SLC43A3: variants seen among roughly 807,000 people sequenced by gnomAD.
SLC43A3 encodes the protein solute carrier family 43 member 3.
Under a neutral mutation model 53.3 loss-of-function variants are expected in SLC43A3, and 33 were observed. The ratio of observed to expected loss-of-function variants is 0.62; its 90% CI spans 0.47 to 0.83. The LOEUF (loss-of-function observed/expected upper bound fraction) is 0.83. SLC43A3 is among the 40% of genes least tolerant of loss of function. The pLI is 0.00. For missense variants in SLC43A3, 530 were observed against 610.0 expected (o/e 0.87, Z 1.38); for synonymous variants, 236 against 246.2 (o/e 0.96, Z 0.39).
intron 5 of SLC43A3, among the ~76,000 whole-genome samples, chr11:57,422,182 T>A (rs1255666308): frequency 1.3e-5 from 2 of 152,238 alleles, no homozygotes; most frequent in African/African-American, 4.8e-5. Context: ...CCAAAAAGTA[T>A]CTATTTTTAA....
chr11:57,423,947 G>A (rs1419478178), intron 5 of SLC43A3, 35 bp downstream of exon 5: 13 of 1,610,196 alleles, frequency 8.1e-6, no homozygotes, highest in Admixed American at 1.7e-5. Context: ...GTGCCTCTGA[G>A]CTTGCATCCC....
intron 11 of SLC43A3, among the ~76,000 whole-genome samples, chr11:57,411,471 C>CAAAAAAAAAAAA (rs56994898): frequency 1.3e-5 from 1 of 78,878 alleles, no homozygotes; most frequent in Admixed American, 1.6e-4. Flanking sequence ...CCTTCCTCTA[C>CAAAAAAAAAAAA]AAAAAAAAAA....
In SLC43A3 at chr11:57,412,583, C is replaced by T. The variant is rs185136958; in HGVS notation, c.1060+2032G>A. Among the ~76,000 whole-genome samples the T allele has an allele frequency of 2.6e-3, 399 of 152,224 alleles. 1 individual carries two copies. Among genetic ancestry groups the T allele is most frequent in the Admixed American group, 5.7e-3 (87 of 15,290 alleles). ...ATCCCAGAACTTTGGGAGGCCAAGG[C>T]AGGTGGATCACTGGAGATCAGGAGT... On this transcript the variant is annotated intron_variant, in intron 11 of 13. Transcript: ENST00000395124.
At chr11:57,413,454 G>C (rs1301974890) in intron 11 of SLC43A3, among the ~76,000 whole-genome samples, 2 of 152,136 alleles carry the variant, frequency 1.3e-5, no homozygotes, top group African/African-American at 4.8e-5. Flanking sequence ...AGTAAAAGAG[G>C]CCTTATTTGT....
intron 4 of SLC43A3, among the ~76,000 whole-genome samples, chr11:57,425,047 A>C (rs1943149652): frequency 6.6e-6 from 1 of 151,264 alleles, no homozygotes; most frequent in Non-Finnish European, 1.5e-5. Flanking sequence ...GCAATACCAA[A>C]GAAACTTCCT....
At chr11:57,425,403 A>AGCTGCTGGGAGCGAGCTGCAGGTGTGGT (rs1943167783) in intron 4 of SLC43A3, 138 bp downstream of exon 4, 2 of 833,176 alleles carry the variant, frequency 2.4e-6, no homozygotes, top group Non-Finnish European at 3.9e-6. Flanking sequence ...TGTTCCTAAC[A>AGCTGCTGGGAGCGAGCTGCAGGTGTGGT]GCTGCTGGGA....
chr11:57,419,191 A>G (rs1368166859), intron 7 of SLC43A3, among the ~76,000 whole-genome samples: 1 of 152,184 alleles, frequency 6.6e-6, no homozygotes, highest in Non-Finnish European at 1.5e-5. Context: ...AACGACAGCA[A>G]AGGCCTTTTG....
chr11:57,417,666 T>C, intron 8 of SLC43A3, 82 bp downstream of exon 8: 1 of 1,516,814 alleles, frequency 6.6e-7, no homozygotes, highest in East Asian at 2.3e-5. Context: ...CCTCCTCTCC[T>C]GTGATAGGTT....
chr11:57,419,184 G>A (rs2135034701), intron 7 of SLC43A3, among the ~76,000 whole-genome samples: 1 of 152,036 alleles, frequency 6.6e-6, no homozygotes, highest in East Asian at 1.9e-4. Flanking sequence ...TTCCCCCAAC[G>A]ACAGCAAAGG....
intron 11 of SLC43A3, among the ~76,000 whole-genome samples, chr11:57,412,686 T>C (rs1200685119): frequency 3.3e-5 from 5 of 152,082 alleles, no homozygotes; most frequent in East Asian, 3.9e-4. Context: ...TGGGTGCCTG[T>C]AATGCCAGCT....
upstream of SLC43A3, chr11:57,427,574 C>G (rs1434595473): frequency 6.6e-6 from 1 of 152,142 alleles, no homozygotes; most frequent in African/African-American, 2.4e-5. Flanking sequence ...TTTCACACTC[C>G]CAGAGCTGCC....
At chr11:57,416,206 G>A (rs1942710581) in intron 9 of SLC43A3, among the ~76,000 whole-genome samples, 1 of 152,162 alleles carries the variant, frequency 6.6e-6, no homozygotes, top group Non-Finnish European at 1.5e-5. Context: ...TGATAGAGTT[G>A]GGACAATAAG....
chr11:57,423,842 CTTCCAGG>C, intron 5 of SLC43A3, 133 bp downstream of exon 5: 1 of 699,292 alleles, frequency 1.4e-6, no homozygotes, highest in South Asian at 1.8e-5. Context: ...GCTCAAGATC[CTTCCAGG>C]ATTCTTTCAA....
chr11:57,410,075 C>G lies in SLC43A3; in HGVS notation c.1107G>C (p.Leu369=), dbSNP rs1156956729. 1 of 1,611,400 alleles carries G rather than the reference C, an allele frequency of 6.2e-7. No individual in the cohort carries two copies. The highest frequency in any genetic ancestry group is 1.1e-5 in the South Asian group (1 of 90,214). The change falls in exon 12 of 14, where the codon CTG becomes CTC. Residue 369 remains leucine, a synonymous_variant. Coordinates refer to ENST00000395124, the MANE Select transcript of SLC43A3 (RefSeq NM_199329.3). ...AVALCSTVPS[L]ALTSLLCLGF... ...CCAGGCACAGCAGGGATGTCAGGGC[C>G]AGCGAAGGCACCGTCGAGCAGAGGG... is the stretch of plus-strand genomic sequence containing the variant.
upstream of SLC43A3, chr11:57,427,570 A>C (rs1943240261): frequency 6.6e-6 from 1 of 151,920 alleles, no homozygotes; most frequent in Non-Finnish European, 1.5e-5. Context: ...CCAGTTTCAC[A>C]CTCCCAGAGC....
At chr11:57,415,745 C>G (rs72923979) in intron 9 of SLC43A3, among the ~76,000 whole-genome samples, 4,988 of 152,150 alleles carry the variant, frequency 0.033, 92 homozygotes, top group Non-Finnish European at 0.045. Flanking sequence ...TTCCCAGAAC[C>G]CTATTCTTCT....
chr11:57,411,683 T>C (rs1942483384), intron 11 of SLC43A3, among the ~76,000 whole-genome samples: 1 of 151,062 alleles, frequency 6.6e-6, no homozygotes, highest in African/African-American at 2.4e-5. Context: ...AAGAAGAAAA[T>C]ATGGCAATTT....
Position 57,426,181 on chromosome 11 carries a change from G to A in SLC43A3, c.-9C>T. On this transcript the variant is annotated 5_prime_UTR_variant, in exon 3 of 14. Transcript: ENST00000395124. Reference sequence around the variant, plus strand: ...AGGCCCTGGCCCGCCATGAGCAGAAGTGGAGTGGATCTTCAAATCCCACTT... The same window carrying A: ...AGGCCCTGGCCCGCCATGAGCAGAAATGGAGTGGATCTTCAAATCCCACTT... 2 of 1,613,542 alleles carry A rather than the reference G, an allele frequency of 1.2e-6. No individual in the cohort carries two copies. Among genetic ancestry groups the A allele is most frequent in the Non-Finnish European group, 8.5e-7 (1 of 1,179,668 alleles).
chr11:57,416,673 A>G lies in SLC43A3; in HGVS notation c.672-3T>C. The G allele has an allele frequency of 6.2e-7, 1 of 1,613,254 alleles. No homozygotes were observed. The highest frequency in any genetic ancestry group is 1.7e-4 in the Middle Eastern group (1 of 6,050). Reference sequence around the variant, plus strand: ...TGGTGCCATTCCCAGGGCACAGGCTATGGAAACAAAAGCCCCACCAGCAAG... The same window carrying G: ...TGGTGCCATTCCCAGGGCACAGGCTGTGGAAACAAAAGCCCCACCAGCAAG... On this transcript the variant is annotated splice_region_variant and splice_polypyrimidine_tract_variant and intron_variant, in intron 8 of 13. Transcript: ENST00000395124.
Sources: allele counts gnomAD v4.1 joint callset (sites outside exome capture counted in the v4.1 genomes callset), GRCh38; gene constraint gnomAD v4.1.1; transcripts MANE v1.5; gene names NCBI Gene and HGNC (gene_info 2026-07-23, HGNC 2026-07-21).